MYH1: variants seen among roughly 807,000 people sequenced by gnomAD.
MYH1 encodes the protein myosin-1.
In MYH1, 214 loss-of-function variants were observed where a neutral mutation model predicts 225.6. The observed-to-expected ratio is 0.95, with a 90% CI of 0.85 to 1.06. MYH1 has a LOEUF of 1.06. Among genes scored for constraint, MYH1 ranks in the 50% least tolerant of loss-of-function variants. MYH1 has a pLI of 0.00. For missense variants in MYH1, 2,098 were observed against 2,344.2 expected (o/e 0.89, Z 2.17); for synonymous variants, 774 against 842.3 (o/e 0.92, Z 1.40).
At chr17:10,516,136 T>G in intron 4 of MYH1, 54 bp from the exon 5 acceptor site, 1 of 1,613,388 alleles carries the variant, frequency 6.2e-7, no homozygotes, top group Non-Finnish European at 8.5e-7. Context: ...ACCTTAATCA[T>G]CTACTACTTT....
In MYH1 at chr17:10,512,732, C is replaced by T. The variant is rs201614128; in HGVS notation, c.957G>A (p.Gly319=). Residue 319 remains glycine, a synonymous_variant, in exon 11 of 40, where the codon GGG becomes GGA. Transcript: ENST00000226207. ...NPYDYAFVSQ[G]EITVPSIDDQ... ...CATCAATGCTGGGCACTGTGATCTC[C>T]CCTTGACTGACGAAGGCATAATCGT... 6.2e-7 allele frequency: 1 copy of T among 1,613,928 alleles called. No individual in the cohort carries two copies. Among genetic ancestry groups the T allele is most frequent in the Middle Eastern group, 1.6e-4 (1 of 6,062 alleles).
At chr17:10,506,508 T>C (rs76108412) in intron 17 of MYH1, among the ~76,000 whole-genome samples, 1 of 152,078 alleles carries the variant, frequency 6.6e-6, no homozygotes, top group Non-Finnish European at 1.5e-5. Context: ...TTTTTTTTTT[T>C]CTGAGATGGA....
Position 10,512,424 on chromosome 17 carries a change from C to T in MYH1, c.1131G>A (p.Glu377=). The change falls in exon 12 of 40, where the codon GAG becomes GAA. Residue 377 remains glutamate (E), a synonymous_variant. Transcript: ENST00000226207. ...FKQKQREEQA[E]PDGTEVADKA... is the part of the protein sequence containing the mutation. ...ATTTGGTACCTTCAGTGCCATCTGG[C>T]TCAGCTTGCTCCTCACGCTGCTTTT... is the stretch of plus-strand genomic sequence containing the variant. 3 of 1,614,144 alleles carry T rather than the reference C, an allele frequency of 1.9e-6. No homozygotes were observed. Among genetic ancestry groups the T allele is most frequent in the Non-Finnish European group, 2.5e-6 (3 of 1,180,004 alleles).
chr17:10,497,932 C>T lies in MYH1; in HGVS notation c.4182-15G>A, dbSNP rs1436043410. 1 of 1,583,162 alleles carries T rather than the reference C, an allele frequency of 6.3e-7. No homozygotes were observed. The highest frequency in any genetic ancestry group is 8.5e-7 in the Non-Finnish European group (1 of 1,169,876). On this transcript the variant is annotated splice_polypyrimidine_tract_variant and intron_variant, in intron 30 of 39. Transcript: ENST00000226207. Reference sequence around the variant, plus strand: ...CCAGCTTCTTCCTATGAAATATGGGCAATAAAAGTGAATGGCTGTCAACTG... The same window carrying T: ...CCAGCTTCTTCCTATGAAATATGGGTAATAAAAGTGAATGGCTGTCAACTG...
Position 10,494,594 on chromosome 17 carries a change from C to G in MYH1, c.5546G>C (p.Arg1849Thr). Residue 1849 changes from arginine to threonine, a missense_variant, in exon 38 of 40, where the codon AGA (arginine) becomes ACA (threonine). Coordinates refer to ENST00000226207, the MANE Select transcript of MYH1 (RefSeq NM_005963.4). ...TTGGTAAGTGAGTTCCTTCACTTTTCTCTCATGTTTGCGTAGACCCTTGAC... is the reference window on the plus strand; with the variant it reads ...TTGGTAAGTGAGTTCCTTCACTTTTGTCTCATGTTTGCGTAGACCCTTGAC... ...EAVKGLRKHERKVKELTYQTE... is the reference protein window; with the variant it reads ...EAVKGLRKHETKVKELTYQTE... 6.2e-7 allele frequency: 1 copy of G among 1,614,004 alleles called. No homozygotes were observed. The highest frequency in any genetic ancestry group is 8.5e-7 in the Non-Finnish European group (1 of 1,179,992).
In MYH1 at chr17:10,496,151, A is replaced by G; in HGVS notation, c.4968T>C (p.Asp1656=). 1 of 1,614,202 alleles carries G rather than the reference A, an allele frequency of 6.2e-7. No homozygotes were observed. Among genetic ancestry groups the G allele is most frequent in the East Asian group, 2.2e-5 (1 of 44,868 alleles). ...NYRNTQAILK[D]TQLHLDDALR... ...GAGCATCATCCAGGTGGAGCTGGGT[A>G]TCCTGTGGAACAAACCGTCATTGAG... Residue 1656 remains aspartate (D), a splice_region_variant and synonymous_variant, in exon 35 of 40, where the codon GAT becomes GAC. Transcript: ENST00000226207.
At chr17:10,503,714 T>C (rs2073080265) in intron 22 of MYH1, among the ~76,000 whole-genome samples, 2 of 152,228 alleles carry the variant, frequency 1.3e-5, no homozygotes, top group African/African-American at 4.8e-5. Flanking sequence ...GTAGCAAGCA[T>C]ATTTCTCATA....
rs776538930 is a variant in MYH1 at position 10,507,975 on chromosome 17, C to T, written c.1898-19G>A. On this transcript the variant is annotated intron_variant, in intron 16 of 39. Coordinates refer to ENST00000226207, the MANE Select transcript of MYH1 (RefSeq NM_005963.4). Reference sequence around the variant, plus strand: ...CCAGCCTCTGAGGGGAAAAAGAAAGCAATCATAGGACAGCCTTTCTCTGGT... The same window carrying T: ...CCAGCCTCTGAGGGGAAAAAGAAAGTAATCATAGGACAGCCTTTCTCTGGT... 6.3e-7 allele frequency: 1 copy of T among 1,582,086 alleles called. No homozygotes were observed. Among genetic ancestry groups the T allele is most frequent in the South Asian group, 1.1e-5 (1 of 90,200 alleles).
intron 33 of MYH1, 144 bp downstream of exon 33, chr17:10,496,925 T>G: frequency 9.1e-7 from 1 of 1,095,974 alleles, no homozygotes; most frequent in Non-Finnish European, 1.3e-6. Context: ...GTTATGTTGG[T>G]TGTATGCATG....
rs755228482 is a variant in MYH1, at chr17:10,497,199, G to A, written c.4532-6C>T. On this transcript the variant is annotated splice_polypyrimidine_tract_variant and splice_region_variant and intron_variant, in intron 32 of 39. Transcript: ENST00000226207. ...AGTGAGATCAGAAATCTCCTCTGTTGGTGAACAAAAAATATAGAAATTTGT... is the reference window on the plus strand; with the variant it reads ...AGTGAGATCAGAAATCTCCTCTGTTAGTGAACAAAAAATATAGAAATTTGT... 6.2e-6 allele frequency: 10 copies of A among 1,602,272 alleles called. No homozygotes were observed. The Admixed American group carries it at 1.8e-4, about 28-fold the overall frequency.
intron 6 of MYH1, 73 bp from the exon 7 acceptor site, chr17:10,514,197 T>G: frequency 6.5e-7 from 1 of 1,527,494 alleles, no homozygotes; most frequent in Non-Finnish European, 9.1e-7. Context: ...TGGCTTTGTC[T>G]TTATATCTCT....
chr17:10,494,868 G>A (rs2072971108), intron 37 of MYH1, 63 bp downstream of exon 37: 2 of 1,613,650 alleles, frequency 1.2e-6, no homozygotes, highest in South Asian at 1.1e-5. Flanking sequence ...AGCAGTGCTA[G>A]GTATTCAGAA....
rs780052499 is a variant in MYH1 at position 10,505,504 on chromosome 17, C to T, written c.2182G>A (p.Val728Met). The T allele has an allele frequency of 8.7e-6, 14 of 1,613,994 alleles. No individual in the cohort carries two copies. The highest frequency in any genetic ancestry group is 2.2e-5 in the East Asian group (1 of 44,896). The change falls in exon 20 of 40, where the codon GTG (valine) becomes ATG (methionine). Residue 728 changes from valine to methionine, a missense_variant. Physicochemically the swap from Val to Met is conservative, Grantham distance 21 (BLOSUM62 1). Coordinates refer to ENST00000226207, the MANE Select transcript of MYH1 (RefSeq NM_005963.4). ...LYADFKQRYK[V>M]LNASAIPEGQ... ...TCAGGGATAGCACTTGCATTTAACA[C>T]CTTGTATCTGTTTAAGCCAGACAAA... is the stretch of plus-strand genomic sequence containing the variant.
rs191092796 is a variant in MYH1, at chr17:10,508,006, T to G, written c.1898-50A>C. ...TAGGACAGCCTTTCTCTGGTTATGG[T>G]TTTTTTTTTTTGTTTTTTTTTGTTT... On this transcript the variant is annotated intron_variant, in intron 16 of 39. Coordinates refer to ENST00000226207, the MANE Select transcript of MYH1 (RefSeq NM_005963.4). 7.3e-4 allele frequency: 731 copies of G among 1,006,522 alleles called. 1 individual carries two copies. The African/African-American group carries it at 0.011, about 16-fold the overall frequency. The allele number at this position is 1,006,522 out of a possible 1,614,324, so 62.3% of individuals were successfully genotyped here.
Position 10,497,458 on chromosome 17 carries a change from G to A in MYH1, c.4366-6C>T, listed in dbSNP as rs1364985971. 1.5e-5 allele frequency: 24 copies of A among 1,595,980 alleles called. No individual in the cohort carries two copies. In the Admixed American group the frequency reaches 4.2e-4, roughly 28 times the overall value. On this transcript the variant is annotated splice_polypyrimidine_tract_variant and splice_region_variant and intron_variant, in intron 31 of 39. Transcript: ENST00000226207. ...TGTTTCCATTCTGCCAGGATCTGAA[G>A]GTCAAGGAATGGACAAGAAATTTAG...
Position 10,497,907 on chromosome 17 carries a change from C to G in MYH1, c.4192G>C (p.Ala1398Pro), listed in dbSNP as rs1336630101. The G allele has an allele frequency of 3.1e-6, 5 of 1,592,964 alleles. No individual in the cohort carries two copies. In the African/African-American group the frequency reaches 6.8e-5, roughly 22 times the overall value. ...EELEEAKKKLAQRLQDAEEHV... is the reference protein window; with the variant it reads ...EELEEAKKKLPQRLQDAEEHV... ...TCCTCAGCATCCTGCAGACGCTGAG[C>G]CAGCTTCTTCCTATGAAATATGGGC... Residue 1398 changes from alanine (A) to proline (P), a missense_variant, in exon 31 of 40, where the codon GCT (alanine) becomes CCT (proline). Transcript: ENST00000226207.
Position 10,511,989 on chromosome 17 carries a change from C to T in MYH1, c.1267-1G>A. ...CCAGAGCACCCACTGCATTGTACAC[C>T]TTCACAGATAAAGTTTGTTGGTGTT... is the stretch of plus-strand genomic sequence containing the variant. On this transcript the variant is annotated splice_acceptor_variant, in intron 13 of 39. Transcript: ENST00000226207. LOFTEE classifies it high-confidence loss of function. 1 of 1,614,148 alleles carries T rather than the reference C, an allele frequency of 6.2e-7. No individual in the cohort carries two copies. The highest frequency in any genetic ancestry group is 8.5e-7 in the Non-Finnish European group (1 of 1,180,028).
chr17:10,495,808 TATAG>T (rs2142254818), intron 35 of MYH1, 138 bp downstream of exon 35: 1 of 801,618 alleles, frequency 1.2e-6, no homozygotes, highest in South Asian at 2.1e-5. Context: ...CAGATAAGAA[TATAG>T]ATAATCAAAA....
intron 12 of MYH1, 92 bp downstream of exon 12, chr17:10,512,316 C>G (rs2073178461): frequency 6.2e-7 from 1 of 1,602,016 alleles, no homozygotes; most frequent in African/African-American, 1.3e-5. Context: ...GTATGTCCAT[C>G]AGGAGCTCAG....
Sources: allele counts gnomAD v4.1 joint callset (sites outside exome capture counted in the v4.1 genomes callset), GRCh38; gene constraint gnomAD v4.1.1; transcripts MANE v1.5; gene names NCBI Gene and HGNC (gene_info 2026-07-23, HGNC 2026-07-21).